The following GCNT3 variants were observed in gnomAD, a reference collection of about 807,000 sequenced individuals.
GCNT3 encodes the protein beta-1,3-galactosyl-O-glycosyl-glycoprotein beta-1,6-N-acetylglucosaminyltransferase 3.
For synonymous variants in GCNT3, 269 were observed against 195.2 expected, an observed-to-expected ratio of 1.38 and a Z score of -3.15; for missense variants, 708 against 530.3, an observed-to-expected ratio of 1.34 and a Z score of -3.29.
intron 2 of GCNT3, 167 bp from the exon 3 acceptor site, chr15:59,618,012 C>G: frequency 2.6e-6 from 1 of 378,966 alleles, no homozygotes; most frequent in Non-Finnish European, 4.7e-6. Context: ...TTTGTAGGGT[C>G]AGATTACAGA....
intron 1 of GCNT3, chr15:59,615,213 G>C (rs1285607949): frequency 2.0e-5 from 3 of 152,202 alleles, no homozygotes; most frequent in Non-Finnish European, 2.9e-5. Context: ...GGTTCTGTGA[G>C]CATCACCATG....
At position 59,619,158 on chromosome 15, in the gene GCNT3, A is replaced by G. The variant is rs1377905518; in HGVS notation, c.920A>G (p.Gln307Arg). 1.9e-6 allele frequency: 3 copies of G among 1,614,142 alleles called. No individual in the cohort carries two copies. The highest frequency in any genetic ancestry group is 1.7e-6 in the Non-Finnish European group (2 of 1,180,016). The part of the protein sequence containing the change: ...AYIVASRDFV[Q>R]HVLKNPKSQQ... ...ATTGTGGCTTCCCGAGATTTCGTCC[A>G]ACATGTTTTGAAGAACCCTAAATCC... The change falls in exon 3 of 3, where the codon CAA becomes CGA. Residue 307 changes from glutamine to arginine, a missense_variant. Transcript: ENST00000396065.
chr15:59,618,362 C>G lies in GCNT3; in HGVS notation c.124C>G (p.Leu42Val). The change falls in exon 3 of 3, where the codon CTG (leucine) becomes GTG (valine). Residue 42 changes from leucine to valine, a missense_variant. By Grantham distance (32) the Leu-to-Val change is conservative (BLOSUM62 1). Transcript: ENST00000396065. The part of the protein sequence containing the change: ...RLKCDSDHLG[L>V]ESRESQSQYC... Reference sequence around the variant, plus strand: ...GAAGTGTGACTCTGACCACTTGGGTCTGGAGTCCAGGGAATCTCAAAGCCA... The same window carrying G: ...GAAGTGTGACTCTGACCACTTGGGTGTGGAGTCCAGGGAATCTCAAAGCCA... 2 of 1,613,872 alleles carry G rather than the reference C, an allele frequency of 1.2e-6. No homozygotes were observed. Among genetic ancestry groups the G allele is most frequent in the East Asian group, 2.2e-5 (1 of 44,882 alleles).
In GCNT3 at chr15:59,621,295, A is replaced by G. The variant is rs1461145484; in HGVS notation, c.*1740A>G. 6.6e-6 allele frequency: 1 copy of G among 151,864 alleles called. No individual in the cohort carries two copies. The highest frequency in any genetic ancestry group is 1.9e-4 in the East Asian group (1 of 5,202). The allele number at this position is 151,864 out of a possible 1,614,324, so 9.4% of individuals were successfully genotyped here. On this transcript the variant is annotated 3_prime_UTR_variant, in exon 3 of 3. Coordinates refer to ENST00000396065, the MANE Select transcript of GCNT3 (RefSeq NM_004751.3). ...GAGACAATAAGGTATGTGTAAATAC[A>G]TATATGTGTGTGTATGTATACACAC...
In GCNT3 at chr15:59,620,418, G is replaced by C. The variant is rs1350600984; in HGVS notation, c.*863G>C. On this transcript the variant is annotated 3_prime_UTR_variant, in exon 3 of 3. Coordinates refer to ENST00000396065, the MANE Select transcript of GCNT3 (RefSeq NM_004751.3). Reference sequence around the variant, plus strand: ...CCTGACCTTGTGATCTGCCCGCCTCGGCCTTCCGAAATGCTGGGATTACAG... The same window carrying C: ...CCTGACCTTGTGATCTGCCCGCCTCCGCCTTCCGAAATGCTGGGATTACAG... 6.0e-6 allele frequency: 1 copy of C among 166,904 alleles called. No homozygotes were observed. The highest frequency in any genetic ancestry group is 2.4e-5 in the African/African-American group (1 of 41,362). 10.3% of individuals were successfully genotyped at this position (166,904 alleles called of 1,614,324 possible). A position where few individuals can be genotyped will look rare whatever the true frequency, so the allele number is the denominator to read the frequency against.
chr15:59,618,631 C>G lies in GCNT3; in HGVS notation c.393C>G (p.Phe131Leu), dbSNP rs1398440147. ...QFPLSKEEVE[F>L]PIAYSMVIHE... ...CACTGAGCAAAGAAGAGGTGGAGTT[C>G]CCTATTGCATACTCTATGGTGATTC... The change falls in exon 3 of 3, where the codon TTC (phenylalanine) becomes TTG (leucine). Residue 131 changes from phenylalanine to leucine, a missense_variant. By Grantham distance (22) the Phe-to-Leu change is conservative. Transcript: ENST00000396065. The G allele has an allele frequency of 1.9e-6, 3 of 1,613,910 alleles. No homozygotes were observed. Among genetic ancestry groups the G allele is most frequent in the Non-Finnish European group, 2.5e-6 (3 of 1,179,972 alleles).
chr15:59,617,682 A>G (rs576215929), intron 2 of GCNT3, among the ~76,000 whole-genome samples: 180 of 152,332 alleles, frequency 1.2e-3, no homozygotes, highest in Middle Eastern at 3.4e-3. Context: ...CCAATGAATT[A>G]TATATGGTGA....
chr15:59,617,170 C>CT (rs373439386), intron 2 of GCNT3, among the ~76,000 whole-genome samples: 15,092 of 82,324 alleles, frequency 0.18, 1,696 homozygotes, highest in East Asian at 0.3. Flanking sequence ...CTTTTGTTTT[C>CT]TTTCTTTCTT....
At chr15:59,614,005 C>T (rs571032827) in intron 1 of GCNT3, among the ~76,000 whole-genome samples, 2 of 152,226 alleles carry the variant, frequency 1.3e-5, no homozygotes, top group Middle Eastern at 6.8e-3. Flanking sequence ...GACAGCGAGA[C>T]CCTGTCTCTG....
In GCNT3 at chr15:59,611,863, T is replaced by A. The variant is rs2082697909; in HGVS notation, c.-369T>A. ...GCCCTTTACTCAGCAGTTTTTGTTC[T>A]GGGAAGCCCTGGGATTCTGCTAATA... On this transcript the variant is annotated 5_prime_UTR_variant, in exon 1 of 3. Transcript: ENST00000396065. The A allele has an allele frequency of 6.6e-6, 1 of 152,204 alleles. No homozygotes were observed. 9.4% of individuals were successfully genotyped at this position (152,204 alleles called of 1,614,324 possible).
At position 59,618,944 on chromosome 15, in the gene GCNT3, A is replaced by G. The variant is rs2082733631; in HGVS notation, c.706A>G (p.Asn236Asp). ...TCGTDFPIKSNAEMVQALKML... is the reference protein window; with the variant it reads ...TCGTDFPIKSDAEMVQALKML... ...TGGGACGGACTTTCCTATAAAGAGC[A>G]ATGCAGAGATGGTCCAGGCTCTCAA... The change falls in exon 3 of 3, where the codon AAT becomes GAT. Residue 236 changes from asparagine to aspartate, a missense_variant. Physicochemically the swap from Asn to Asp is conservative, Grantham distance 23 (BLOSUM62 1). Transcript: ENST00000396065. 1.2e-6 allele frequency: 2 copies of G among 1,614,024 alleles called. No individual in the cohort carries two copies. The highest frequency in any genetic ancestry group is 1.1e-5 in the South Asian group (1 of 91,082).
intron 1 of GCNT3, among the ~76,000 whole-genome samples, chr15:59,614,041 C>T (rs1053394967): frequency 6.6e-6 from 1 of 152,218 alleles, no homozygotes; most frequent in East Asian, 1.9e-4. Flanking sequence ...AACAAAAGCC[C>T]TCAACTATTC....
rs771501479 is a variant in GCNT3, at chr15:59,618,832, C to G, written c.594C>G (p.Ala198=). The change falls in exon 3 of 3, where the codon GCC becomes GCG. Residue 198 remains alanine, a synonymous_variant. Transcript: ENST00000396065. Reference sequence around the variant, plus strand: ...GTAAGCTGGTTCGGGTGGTTTATGCCTCCTGGTCCAGGGTGCAAGCTGACC... The same window carrying G: ...GTAAGCTGGTTCGGGTGGTTTATGCGTCCTGGTCCAGGGTGCAAGCTGACC... ...IASKLVRVVY[A]SWSRVQADLN... is the part of the protein sequence containing the mutation. 6.2e-7 allele frequency: 1 copy of G among 1,614,110 alleles called. No individual in the cohort carries two copies. Among genetic ancestry groups the G allele is most frequent in the South Asian group, 1.1e-5 (1 of 91,082 alleles).
chr15:59,614,382 G>A (rs1243571597), intron 1 of GCNT3, among the ~76,000 whole-genome samples: 1 of 151,696 alleles, frequency 6.6e-6, no homozygotes, highest in Non-Finnish European at 1.5e-5. Context: ...AAGAATTCAG[G>A]GCGAGTCCGT....
intron 1 of GCNT3, among the ~76,000 whole-genome samples, chr15:59,613,504 C>T (rs1422072311): frequency 6.7e-6 from 1 of 148,986 alleles, no homozygotes; most frequent in African/African-American, 2.5e-5. Context: ...AGTTCAAGAC[C>T]AGCCAGGGGA....
rs1890924595 is a variant in GCNT3 at position 59,621,204 on chromosome 15, T to A, written c.*1649T>A. ...CTGGTCCCCTCTTGAGTCAAAACTCTTATTTCAGAATGCGAATGGAAGGAT... is the reference window on the plus strand; with the variant it reads ...CTGGTCCCCTCTTGAGTCAAAACTCATATTTCAGAATGCGAATGGAAGGAT... On this transcript the variant is annotated 3_prime_UTR_variant, in exon 3 of 3. Coordinates refer to ENST00000396065, the MANE Select transcript of GCNT3 (RefSeq NM_004751.3). 1 of 152,010 alleles carries A rather than the reference T, an allele frequency of 6.6e-6. No homozygotes were observed. Among genetic ancestry groups the A allele is most frequent in the Admixed American group, 6.5e-5 (1 of 15,268 alleles). The allele number at this position is 152,010 out of a possible 1,614,324, so 9.4% of individuals were successfully genotyped here. A position where few individuals can be genotyped will look rare whatever the true frequency, so the allele number is the denominator to read the frequency against.
In GCNT3 at chr15:59,616,777, A is replaced by G. The variant is rs561837603; in HGVS notation, c.-165A>G. 6.6e-6 allele frequency: 1 copy of G among 152,242 alleles called. No homozygotes were observed. The highest frequency in any genetic ancestry group is 1.5e-5 in the Non-Finnish European group (1 of 68,052). The allele number at this position is 152,242 out of a possible 1,614,324, so 9.4% of individuals were successfully genotyped here. On this transcript the variant is annotated 5_prime_UTR_variant, in exon 2 of 3. The change abolishes an upstream ATG in the 5' untranslated region. Coordinates refer to ENST00000396065, the MANE Select transcript of GCNT3 (RefSeq NM_004751.3). ...TTGGAGGGTTAGAAGATCAGGGGAC[A>G]TGGTTGTTCACATTTGCTGCCACGG... is the stretch of plus-strand genomic sequence containing the variant.
intron 1 of GCNT3, among the ~76,000 whole-genome samples, chr15:59,613,713 C>T (rs1263333823): frequency 2.0e-5 from 3 of 151,936 alleles, no homozygotes; most frequent in Admixed American, 6.6e-5. Flanking sequence ...GCTGTACAGC[C>T]AGACCTTGTC....
intron 1 of GCNT3, among the ~76,000 whole-genome samples, chr15:59,612,521 C>T (rs999346350): frequency 6.6e-6 from 1 of 152,208 alleles, no homozygotes; most frequent in Non-Finnish European, 1.5e-5. Context: ...TCAGCATCAT[C>T]TGGCTGTACC....
Sources: gnomAD v4.1 joint callset for allele counts (sites outside exome capture counted in the v4.1 genomes callset) on GRCh38, gnomAD v4.1.1 for gene constraint, MANE v1.5 for transcripts, NCBI Gene and HGNC (gene_info 2026-07-23, HGNC 2026-07-21) for gene names.